FAM135B: variants seen among roughly 807,000 people sequenced by gnomAD.
FAM135B encodes the protein family with sequence similarity 135 member B.
In FAM135B, 43 loss-of-function variants were observed where a neutral mutation model predicts 127.7. The ratio of observed to expected loss-of-function variants is 0.34; its 90% CI spans 0.26 to 0.43. The LOEUF is 0.43. Among genes scored for constraint, FAM135B ranks in the 20% least tolerant of loss-of-function variants. The pLI is 1.00. For synonymous variants in FAM135B, 670 were observed against 665.1 expected, an observed-to-expected ratio of 1.01 and a Z score of -0.11; for missense variants, 1,558 against 1,725.6, an observed-to-expected ratio of 0.90 and a Z score of 1.72.
chr8:138,317,957 G>C (rs940554695), intron 2 of FAM135B, among the ~76,000 whole-genome samples: 1 of 152,210 alleles, frequency 6.6e-6, no homozygotes, highest in African/African-American at 2.4e-5. Flanking sequence ...CATTGACTGC[G>C]TGTTGCTAGA....
chr8:138,351,272 C>T (rs1469370837), intron 2 of FAM135B, among the ~76,000 whole-genome samples: 1 of 151,976 alleles, frequency 6.6e-6, no homozygotes, highest in Non-Finnish European at 1.5e-5. Context: ...TCTAAGAAAG[C>T]CCAATAGAGT....
chr8:138,238,654 C>T (rs1371144431), intron 7 of FAM135B, among the ~76,000 whole-genome samples: 1 of 152,236 alleles, frequency 6.6e-6, no homozygotes, highest in Non-Finnish European at 1.5e-5. Context: ...TTGAAGGGAA[C>T]ACCTGTTCTC....
intron 13 of FAM135B, among the ~76,000 whole-genome samples, chr8:138,150,765 G>A (rs550143004): frequency 5.9e-5 from 9 of 152,238 alleles, no homozygotes; most frequent in Non-Finnish European, 1.2e-4. Context: ...GTATATTCAT[G>A]CAATAGAATA....
chr8:138,237,575 A>G (rs1820399444), intron 7 of FAM135B, among the ~76,000 whole-genome samples: 1 of 152,206 alleles, frequency 6.6e-6, no homozygotes, highest in South Asian at 2.1e-4. Context: ...GTCCAACATT[A>G]CAGATGTTTC....
chr8:138,403,023 C>T (rs995188032), intron 1 of FAM135B, among the ~76,000 whole-genome samples: 1 of 152,288 alleles, frequency 6.6e-6, no homozygotes, highest in Admixed American at 6.5e-5. Flanking sequence ...GAAGCAGGCC[C>T]TTACTAAATG....
chr8:138,178,119 G>A (rs1480271051), intron 10 of FAM135B, among the ~76,000 whole-genome samples: 1 of 151,852 alleles, frequency 6.6e-6, no homozygotes, highest in Non-Finnish European at 1.5e-5. Context: ...GTGGTGGTGT[G>A]AGCCTGTAAT....
intron 1 of FAM135B, among the ~76,000 whole-genome samples, chr8:138,495,093 G>T (rs1026695695): frequency 6.6e-6 from 1 of 152,156 alleles, no homozygotes; most frequent in African/African-American, 2.4e-5. Context: ...TTAATGATTT[G>T]CCAATCTGAG....
chr8:138,198,650 T>C (rs114405426), intron 7 of FAM135B, among the ~76,000 whole-genome samples: 5,065 of 152,276 alleles, frequency 0.033, 162 homozygotes, highest in African/African-American at 0.078. Flanking sequence ...TTATATTTTG[T>C]TTGTAGAAAT....
chr8:138,497,346 G>T (rs1056894106), upstream of FAM135B, among the ~76,000 whole-genome samples: 135 of 150,574 alleles, frequency 9.0e-4, no homozygotes, highest in African/African-American at 3.1e-3. Context: ...GCCGCCCGGC[G>T]GCCAAACCCC....
rs893085341 is a variant in FAM135B at position 138,309,272 on chromosome 8, T to C, written c.157+1569A>G. Among the ~76,000 whole-genome samples, 3 of 151,936 alleles carry C rather than the reference T, an allele frequency of 2.0e-5. No individual in the cohort carries two copies. The East Asian group carries it at 5.8e-4, about 29-fold the overall frequency. On this transcript the variant is annotated intron_variant, in intron 3 of 19. Coordinates refer to ENST00000395297, the MANE Select transcript of FAM135B (RefSeq NM_015912.4). ...GGGGAAGGGGTGAAGCACAGGATGA[T>C]AGGAAAGGAGGGAACTACTGGATTC...
At chr8:138,439,887 A>G (rs575354173) in intron 1 of FAM135B, 9 of 152,196 alleles carry the variant, frequency 5.9e-5, no homozygotes, top group Non-Finnish European at 7.4e-5. Flanking sequence ...ACTTTCCATC[A>G]CTCCAGGTAC....
At chr8:138,251,298 A>G (rs1315315608) in intron 5 of FAM135B, among the ~76,000 whole-genome samples, 2 of 152,112 alleles carry the variant, frequency 1.3e-5, no homozygotes, top group African/African-American at 2.4e-5. Flanking sequence ...GATGGATAAG[A>G]AGCCCAGACT....
chr8:138,354,497 T>C (rs1356223164), intron 2 of FAM135B, among the ~76,000 whole-genome samples: 1 of 152,140 alleles, frequency 6.6e-6, no homozygotes, highest in Non-Finnish European at 1.5e-5. Flanking sequence ...TGATACCTCC[T>C]GGGTGGGCGT....
At chr8:138,320,278 G>A (rs192860996) in intron 2 of FAM135B, among the ~76,000 whole-genome samples, 83 of 152,254 alleles carry the variant, frequency 5.5e-4, no homozygotes, top group Non-Finnish European at 9.4e-4. Context: ...ATATCCTCAC[G>A]TTAACAACAC....
intron 3 of FAM135B, among the ~76,000 whole-genome samples, chr8:138,277,936 C>T (rs1481045187): frequency 6.6e-6 from 1 of 152,028 alleles, no homozygotes; most frequent in Non-Finnish European, 1.5e-5. Flanking sequence ...GAAGAATCCC[C>T]AATATTATTC....
chr8:138,317,474 G>T (rs886243600), intron 2 of FAM135B, among the ~76,000 whole-genome samples: 10 of 152,116 alleles, frequency 6.6e-5, no homozygotes, highest in Admixed American at 2.0e-4. Context: ...CTGTGAAATT[G>T]TACCATAGCA....
intron 2 of FAM135B, 75 bp downstream of exon 2, chr8:138,367,832 C>T: frequency 8.8e-7 from 1 of 1,136,956 alleles, no homozygotes; most frequent in South Asian, 1.3e-5. Flanking sequence ...TTCCCCACCT[C>T]CACCTTCTTC....
At chr8:138,224,586 G>C (rs1415552908) in intron 7 of FAM135B, among the ~76,000 whole-genome samples, 1 of 152,116 alleles carries the variant, frequency 6.6e-6, no homozygotes, top group Non-Finnish European at 1.5e-5. Context: ...AACTAGCATG[G>C]AAGAATAGTA....
At chr8:138,228,251 AT>A (rs55990840) in intron 7 of FAM135B, among the ~76,000 whole-genome samples, 1 of 151,128 alleles carries the variant, frequency 6.6e-6, no homozygotes, top group Non-Finnish European at 1.5e-5. Flanking sequence ...ATGGGGTAAT[AT>A]TTTTTTTTAC....
Sources: allele counts gnomAD v4.1 joint callset (sites outside exome capture counted in the v4.1 genomes callset), GRCh38; gene constraint gnomAD v4.1.1; transcripts MANE v1.5; gene names NCBI Gene and HGNC (gene_info 2026-07-23, HGNC 2026-07-21).